The following RSRC1 variants were observed in gnomAD, a reference collection of about 807,000 sequenced individuals.
RSRC1 encodes the protein arginine and serine rich coiled-coil 1, also known as serine/Arginine-related protein 53.
In RSRC1, 39 loss-of-function variants were observed where a neutral mutation model predicts 49.1. The observed-to-expected ratio is 0.79, with a 90% CI of 0.61 to 1.04. The LOEUF (loss-of-function observed/expected upper bound fraction) is 1.04. Ranked by LOEUF, RSRC1 falls within the 50% of genes least tolerant of loss-of-function variation. The pLI is 0.00. For missense variants in RSRC1, 388 were observed against 402.4 expected, an observed-to-expected ratio of 0.96 and a Z score of 0.31; for synonymous variants, 143 against 130.8, an observed-to-expected ratio of 1.09 and a Z score of -0.63.
At chr3:158,432,500 T>G (rs1735819169) in intron 6 of RSRC1, among the ~76,000 whole-genome samples, 1 of 151,898 alleles carries the variant, frequency 6.6e-6, no homozygotes, top group Admixed American at 6.6e-5. Context: ...TGTACTATTT[T>G]TTTTCCTCAA....
intron 5 of RSRC1, among the ~76,000 whole-genome samples, chr3:158,325,779 G>C (rs1468881181): frequency 1.3e-5 from 2 of 152,178 alleles, no homozygotes; most frequent in Non-Finnish European, 2.9e-5. Flanking sequence ...GTCATTGGTA[G>C]CTTGATGGGG....
At chr3:158,266,959 T>G (rs1008268914) in intron 4 of RSRC1, among the ~76,000 whole-genome samples, 13 of 152,200 alleles carry the variant, frequency 8.5e-5, no homozygotes, top group African/African-American at 3.1e-4. Flanking sequence ...AGACACTGTT[T>G]CGCTGTGTTG....
At chr3:158,336,638 T>C (rs1299068817) in intron 5 of RSRC1, 1 of 152,178 alleles carries the variant, frequency 6.6e-6, no homozygotes, top group Admixed American at 6.5e-5. Flanking sequence ...TAAACCAAGT[T>C]CAAATTTTGA....
At chr3:158,274,583 A>G (rs1305385550) in intron 4 of RSRC1, among the ~76,000 whole-genome samples, 4 of 152,204 alleles carry the variant, frequency 2.6e-5, no homozygotes, top group Non-Finnish European at 5.9e-5. Flanking sequence ...CGGTTCAGAG[A>G]AGCAAGCATT....
intron 4 of RSRC1, among the ~76,000 whole-genome samples, chr3:158,257,637 A>C (rs974184532): frequency 1.3e-5 from 2 of 152,088 alleles, no homozygotes; most frequent in African/African-American, 4.8e-5. Flanking sequence ...ATTTACATTC[A>C]GGGTTTTTAT....
intron 6 of RSRC1, among the ~76,000 whole-genome samples, chr3:158,393,112 A>G (rs1468858023): frequency 1.3e-5 from 2 of 152,226 alleles, no homozygotes; most frequent in South Asian, 2.1e-4. Context: ...AAATTCTTTG[A>G]AACTAATGAA....
intron 6 of RSRC1, among the ~76,000 whole-genome samples, chr3:158,383,126 T>C (rs1222995662): frequency 6.6e-6 from 1 of 152,298 alleles, no homozygotes; most frequent in African/African-American, 2.4e-5. Context: ...CTAAAAAAAC[T>C]GCAGGAGTCT....
intron 4 of RSRC1, among the ~76,000 whole-genome samples, chr3:158,277,761 G>A (rs1725899035): frequency 6.6e-6 from 1 of 152,098 alleles, no homozygotes; most frequent in South Asian, 2.1e-4. Context: ...ATTTTAGGTT[G>A]AGCTCATTAA....
At position 158,359,461 on chromosome 3, in the gene RSRC1, G is replaced by A. The variant is rs567984438; in HGVS notation, c.583+4553G>A. Among the ~76,000 whole-genome samples the A allele has an allele frequency of 5.3e-5, 8 of 152,314 alleles. No individual in the cohort carries two copies. In the South Asian group the frequency reaches 1.7e-3, roughly 32 times the overall value. On this transcript the variant is annotated intron_variant, in intron 6 of 9. Coordinates refer to ENST00000611884, the MANE Select transcript of RSRC1 (RefSeq NM_001271838.2). ...TCTTTGGTGTTATCGGATCTTTGGG[G>A]TGTTGCTTTTCTGGCTGGAAAACTC...
At chr3:158,408,142 C>G (rs1734249015) in intron 6 of RSRC1, among the ~76,000 whole-genome samples, 2 of 152,194 alleles carry the variant, frequency 1.3e-5, no homozygotes, top group South Asian at 4.1e-4. Flanking sequence ...CCACCAGACA[C>G]TTTTCCCCAT....
intron 4 of RSRC1, among the ~76,000 whole-genome samples, chr3:158,281,576 C>T (rs559096207): frequency 1.3e-5 from 2 of 152,064 alleles, no homozygotes; most frequent in East Asian, 1.9e-4. Flanking sequence ...CTTGAAGAGC[C>T]ATTTTTTTGA....
At chr3:158,237,089 C>T (rs1489358290) in intron 4 of RSRC1, among the ~76,000 whole-genome samples, 1 of 152,172 alleles carries the variant, frequency 6.6e-6, no homozygotes, top group Non-Finnish European at 1.5e-5. Flanking sequence ...GGCTTCTTGA[C>T]TCTCTTTCAG....
At chr3:158,125,601 T>C (rs575160128) in intron 3 of RSRC1, among the ~76,000 whole-genome samples, 8 of 152,274 alleles carry the variant, frequency 5.3e-5, no homozygotes, top group Non-Finnish European at 8.8e-5. Context: ...ATGATTTCGG[T>C]CTTATTAAAT....
Position 158,178,707 on chromosome 3 carries a change from T to G in RSRC1, c.321-24365T>G, listed in dbSNP as rs561259081. On this transcript the variant is annotated intron_variant, in intron 3 of 9. Transcript: ENST00000611884. Reference sequence around the variant, plus strand: ...TGTAGACATGATCATTGGAATTTTTTGGGGATTACATTAAATTTGTGAATT... The same window carrying G: ...TGTAGACATGATCATTGGAATTTTTGGGGGATTACATTAAATTTGTGAATT... Among the ~76,000 whole-genome samples, 59 of 152,328 alleles carry G rather than the reference T, an allele frequency of 3.9e-4. No homozygotes were observed. In the South Asian group the frequency reaches 5.8e-3, roughly 15 times the overall value.
At chr3:158,443,493 C>G (rs149061098) in intron 6 of RSRC1, among the ~76,000 whole-genome samples, 164 of 152,318 alleles carry the variant, frequency 1.1e-3, no homozygotes, top group African/African-American at 3.7e-3. Flanking sequence ...GCAGCTTCCT[C>G]ACCTCTGTCA....
At chr3:158,441,999 T>C (rs1253773600) in intron 6 of RSRC1, among the ~76,000 whole-genome samples, 3 of 152,144 alleles carry the variant, frequency 2.0e-5, no homozygotes, top group Non-Finnish European at 2.9e-5. Context: ...ATAAAAGTTA[T>C]GTTTATACTG....
chr3:158,190,310 G>A (rs1379946051), intron 3 of RSRC1, among the ~76,000 whole-genome samples: 1 of 151,924 alleles, frequency 6.6e-6, no homozygotes, highest in African/African-American at 2.4e-5. Context: ...CATTATGATT[G>A]TAATAATCTG....
intron 6 of RSRC1, among the ~76,000 whole-genome samples, chr3:158,441,332 T>A (rs1430145966): frequency 6.6e-6 from 1 of 152,134 alleles, no homozygotes; most frequent in African/African-American, 2.4e-5. Context: ...TAAAACGTTT[T>A]GAAGATCTAC....
intron 3 of RSRC1, among the ~76,000 whole-genome samples, chr3:158,125,718 G>A (rs528198813): frequency 3.6e-4 from 55 of 152,224 alleles, no homozygotes; most frequent in African/African-American, 1.2e-3. Flanking sequence ...AGTGTTCTGT[G>A]TATTTATGTT....
Sources: gnomAD v4.1 joint callset for allele counts (sites outside exome capture counted in the v4.1 genomes callset) on GRCh38, gnomAD v4.1.1 for gene constraint, MANE v1.5 for transcripts, NCBI Gene and HGNC (gene_info 2026-07-23, HGNC 2026-07-21) for gene names.